The following GATAD2A variants were observed in gnomAD, a reference collection of about 807,000 sequenced individuals.
GATAD2A encodes the protein GATA zinc finger domain containing 2A.
A neutral mutation model predicts 68.5 loss-of-function variants in GATAD2A; 12 were observed. That is an observed-to-expected ratio of 0.18 (90% CI 0.11 to 0.28). The LOEUF is 0.28. Ranked by LOEUF, GATAD2A falls within the 10% of genes least tolerant of loss-of-function variation. The pLI is 1.00. For synonymous variants in GATAD2A, 410 were observed against 375.3 expected, an observed-to-expected ratio of 1.09 and a Z score of -1.07; for missense variants, 755 against 868.5, an observed-to-expected ratio of 0.87 and a Z score of 1.64.
chr19:19,476,938 G>T (rs969373736), intron 2 of GATAD2A, among the ~76,000 whole-genome samples: 2 of 152,152 alleles, frequency 1.3e-5, no homozygotes, highest in Non-Finnish European at 2.9e-5. Flanking sequence ...AGCCTGAGGG[G>T]GCAGCTGGTG....
intron 1 of GATAD2A, among the ~76,000 whole-genome samples, chr19:19,413,347 A>ATTGAATTGGTTCCGT (rs2051191978): frequency 6.6e-6 from 1 of 152,186 alleles, no homozygotes; most frequent in African/African-American, 2.4e-5. Flanking sequence ...GAAGGCATCG[A>ATTGAATTGGTTCCGT]TTGAATTGGT....
At chr19:19,408,312 C>T (rs980495341) in intron 1 of GATAD2A, among the ~76,000 whole-genome samples, 6 of 152,150 alleles carry the variant, frequency 3.9e-5, no homozygotes, top group African/African-American at 1.4e-4. Context: ...ACTCAGATGA[C>T]ATCATTTTTT....
intron 1 of GATAD2A, among the ~76,000 whole-genome samples, chr19:19,394,127 A>C (rs562088769): frequency 3.3e-5 from 5 of 151,880 alleles, no homozygotes; most frequent in African/African-American, 1.2e-4. Flanking sequence ...AGCTCAAGCA[A>C]TCCTCCCGCC....
Position 19,506,036 on chromosome 19 carries a change from G to A in GATAD2A, c.*562G>A. 1 of 398,866 alleles carries A rather than the reference G, an allele frequency of 2.5e-6. No individual in the cohort carries two copies. Among genetic ancestry groups the A allele is most frequent in the Non-Finnish European group, 4.4e-6 (1 of 226,056 alleles). 24.7% of individuals were successfully genotyped at this position (398,866 alleles called of 1,614,324 possible). On this transcript the variant is annotated 3_prime_UTR_variant, in exon 12 of 12. Transcript: ENST00000683918. ...AAAAGTAAACCGTGCAGACCCTGGG[G>A]TCCCTGTTGTACGCTGCATCATCCC... is the stretch of plus-strand genomic sequence containing the variant.
At chr19:19,477,558 C>T (rs529802300) in intron 2 of GATAD2A, among the ~76,000 whole-genome samples, 3 of 151,978 alleles carry the variant, frequency 2.0e-5, no homozygotes, top group South Asian at 2.1e-4. Flanking sequence ...CATGGTGCAC[C>T]GGGTGCAGGG....
At position 19,505,654 on chromosome 19, in the gene GATAD2A, T is replaced by C. The variant is rs2060836408; in HGVS notation, c.*180T>C. ...CTTGGCTGCAAAGTTTCATCAGGGC[T>C]AGGGGGCTGGTGCCGCCTCATAGGC... On this transcript the variant is annotated 3_prime_UTR_variant, in exon 12 of 12. Coordinates refer to ENST00000683918, the MANE Select transcript of GATAD2A (RefSeq NM_001384528.1). 1.8e-6 allele frequency: 1 copy of C among 556,336 alleles called. No individual in the cohort carries two copies. The highest frequency in any genetic ancestry group is 2.6e-5 in the South Asian group (1 of 37,928). 34.5% of individuals were successfully genotyped at this position (556,336 alleles called of 1,614,324 possible).
intron 1 of GATAD2A, among the ~76,000 whole-genome samples, chr19:19,413,241 C>T (rs149196188): frequency 3.9e-5 from 6 of 152,202 alleles, no homozygotes; most frequent in Non-Finnish European, 7.3e-5. Context: ...AAAACTGCTG[C>T]TACCACCTTC....
Position 19,470,154 on chromosome 19 carries a change from T to TTA in GATAD2A, c.269+4540_269+4541insTA, listed in dbSNP as rs779324167. Among the ~76,000 whole-genome samples the TTA allele has an allele frequency of 3.8e-4, 51 of 133,288 alleles. 2 individuals are homozygous for TTA. In the East Asian group the frequency reaches 9.9e-3, roughly 26 times the overall value. The allele number at this position is 133,288 out of a possible 152,430, so 87.4% of individuals were successfully genotyped here. A position where few individuals can be genotyped will look rare whatever the true frequency, so the allele number is the denominator to read the frequency against. ...CAAACTGCGACTTTATTTTTTTTTT[T>TTA]GTTTTTTTTTTTTTGAGACAGAGTC... On this transcript the variant is annotated intron_variant, in intron 2 of 11. Transcript: ENST00000683918.
chr19:19,433,650 A>G (rs1009113430), intron 1 of GATAD2A, among the ~76,000 whole-genome samples: 1 of 152,232 alleles, frequency 6.6e-6, no homozygotes, highest in African/African-American at 2.4e-5. Context: ...TGATTCATGC[A>G]AACAACAACT....
chr19:19,492,056 G>A (rs2059829744), intron 2 of GATAD2A, among the ~76,000 whole-genome samples: 1 of 152,214 alleles, frequency 6.6e-6, no homozygotes, highest in Non-Finnish European at 1.5e-5. Flanking sequence ...CAGCCCTGGC[G>A]ACATGGCGGC....
At chr19:19,472,229 G>T (rs1008289885) in intron 2 of GATAD2A, among the ~76,000 whole-genome samples, 4 of 152,116 alleles carry the variant, frequency 2.6e-5, no homozygotes, top group African/African-American at 4.8e-5. Context: ...ATAAGTAGCA[G>T]ATCCAGTCCT....
At chr19:19,436,272 G>C in intron 1 of GATAD2A, 2 of 991,636 alleles carry the variant, frequency 2.0e-6, no homozygotes, top group Non-Finnish European at 2.9e-6. Context: ...GCATCCAGCA[G>C]GCTTCGGTCA....
chr19:19,475,050 CGTT>C (rs1206966362), intron 2 of GATAD2A, among the ~76,000 whole-genome samples: 1 of 152,230 alleles, frequency 6.6e-6, no homozygotes, highest in Non-Finnish European at 1.5e-5. Flanking sequence ...CCCCTATCAT[CGTT>C]GTGTTGGCTG....
chr19:19,502,230 G>A lies in GATAD2A; in HGVS notation c.1579-101G>A. On this transcript the variant is annotated intron_variant, in intron 10 of 11. Coordinates refer to ENST00000683918, the MANE Select transcript of GATAD2A (RefSeq NM_001384528.1). ...TTTGGACTTTAGGGACCCCATGTGG[G>A]TGGGAAGAGGTCAGCCAGAGCAAGG... 4.9e-6 allele frequency: 5 copies of A among 1,024,462 alleles called. No homozygotes were observed. The Admixed American group carries it at 6.3e-5, about 13-fold the overall frequency. The allele number at this position is 1,024,462 out of a possible 1,614,324, so 63.5% of individuals were successfully genotyped here. A position where few individuals can be genotyped will look rare whatever the true frequency, so the allele number is the denominator to read the frequency against.
At chr19:19,419,510 CTT>C (rs57019208) in intron 1 of GATAD2A, among the ~76,000 whole-genome samples, 3,037 of 110,538 alleles carry the variant, frequency 0.027, 111 homozygotes, top group African/African-American at 0.091. Context: ...ATCTCTACAT[CTT>C]TTTTTTTTTT....
chr19:19,476,819 G>A (rs1204385336), intron 2 of GATAD2A, among the ~76,000 whole-genome samples: 1 of 152,216 alleles, frequency 6.6e-6, no homozygotes, highest in Admixed American at 6.5e-5. Context: ...TGTTTTCCCG[G>A]TTAGCAGAAT....
intron 2 of GATAD2A, among the ~76,000 whole-genome samples, chr19:19,488,256 T>G (rs1306384791): frequency 1.3e-5 from 2 of 152,216 alleles, no homozygotes; most frequent in Non-Finnish European, 2.9e-5. Context: ...GCCGCTCCCC[T>G]GTTGTGTCTG....
intron 1 of GATAD2A, among the ~76,000 whole-genome samples, chr19:19,398,904 C>T (rs1256666635): frequency 1.3e-5 from 2 of 152,014 alleles, no homozygotes; most frequent in Non-Finnish European, 2.9e-5. Flanking sequence ...ACTAAAACTA[C>T]AAAAATTAGC....
chr19:19,465,042 C>A, intron 1 of GATAD2A: 1 of 476,570 alleles, frequency 2.1e-6, no homozygotes. Flanking sequence ...AGCCACCTTC[C>A]ACTGCTCCTG....
Sources: gnomAD v4.1 joint callset for allele counts (sites outside exome capture counted in the v4.1 genomes callset) on GRCh38, gnomAD v4.1.1 for gene constraint, MANE v1.5 for transcripts, NCBI Gene and HGNC (gene_info 2026-07-23, HGNC 2026-07-21) for gene names.